KDM2B: variants seen among roughly 807,000 people sequenced by gnomAD.
KDM2B encodes lysine demethylase 2B.
KDM2B carries 26 observed loss-of-function variants against 150.0 expected under a neutral mutation model. The observed-to-expected ratio is 0.17, with a 90% CI of 0.13 to 0.24. KDM2B has a LOEUF of 0.24. KDM2B is among the 10% of genes least tolerant of loss of function. The pLI is 1.00. For missense variants in KDM2B, 1,265 were observed against 1,816.9 expected (o/e 0.70, Z 5.52); for synonymous variants, 734 against 729.5 (o/e 1.01, Z -0.10).
At position 121,467,064 on chromosome 12, in the gene KDM2B, G is replaced by A. The variant is rs1336579620; in HGVS notation, c.1735-13720C>T. The stretch of plus-strand genomic sequence containing the variant: ...AGCAAAACTTTCTCCTCATCGCGGC[G>A]GCGGCGGCGTCGCGGCCGCCCTCGG... On this transcript the variant is annotated intron_variant, in intron 12 of 22. Coordinates refer to ENST00000377071, the MANE Select transcript of KDM2B (RefSeq NM_032590.5). The surrounding 1 kb of genome is among the most constrained non-coding windows in gnomAD (Gnocchi z 5.1). 3 of 638,190 alleles carry A rather than the reference G, an allele frequency of 4.7e-6. No individual in the cohort carries two copies. Among genetic ancestry groups the A allele is most frequent in the East Asian group, 1.3e-4 (1 of 7,496 alleles). The allele number at this position is 638,190 out of a possible 1,614,324, so 39.5% of individuals were successfully genotyped here.
intron 4 of KDM2B, among the ~76,000 whole-genome samples, chr12:121,567,479 C>T (rs1452599177): frequency 2.0e-5 from 3 of 152,000 alleles, no homozygotes; most frequent in Admixed American, 6.6e-5. Context: ...GATGGCGAGG[C>T]GGGAGGATCA....
intron 10 of KDM2B, among the ~76,000 whole-genome samples, chr12:121,512,718 C>T (rs900832278): frequency 1.3e-5 from 2 of 151,932 alleles, no homozygotes; most frequent in Non-Finnish European, 2.9e-5. Context: ...GAGCCGTGTT[C>T]GGGGGGGATG....
At chr12:121,562,716 G>A (rs1278505724) in intron 4 of KDM2B, among the ~76,000 whole-genome samples, 1 of 151,576 alleles carries the variant, frequency 6.6e-6, no homozygotes, top group Non-Finnish European at 1.5e-5. Context: ...AGGAGGAGGG[G>A]AAAGAGATAA....
intron 1 of KDM2B, 81 bp from the exon 2 acceptor site, chr12:121,579,027 A>G: frequency 6.8e-7 from 1 of 1,469,960 alleles, no homozygotes; most frequent in Non-Finnish European, 9.2e-7. Context: ...CAGCACTAAC[A>G]GGTGCAGCAG....
chr12:121,554,938 C>T (rs1413370215), intron 4 of KDM2B, among the ~76,000 whole-genome samples: 1 of 152,146 alleles, frequency 6.6e-6, no homozygotes, highest in African/African-American at 2.4e-5. Flanking sequence ...GTAACCCCAA[C>T]ACTTTGGGAA....
At chr12:121,478,902 G>C (rs1426195053) in intron 12 of KDM2B, among the ~76,000 whole-genome samples, 1 of 151,438 alleles carries the variant, frequency 6.6e-6, no homozygotes, top group African/African-American at 2.4e-5. Context: ...GTGTTTTGTA[G>C]AGACAGAGTT....
chr12:121,445,160 CAG>C (rs2138290569), intron 14 of KDM2B, 113 bp downstream of exon 14: 1 of 1,270,050 alleles, frequency 7.9e-7, no homozygotes, highest in South Asian at 1.4e-5. Flanking sequence ...CACCCAGACT[CAG>C]GGGTCCTCCA....
intron 12 of KDM2B, among the ~76,000 whole-genome samples, chr12:121,465,424 G>C (rs1432165729): frequency 2.0e-5 from 3 of 152,164 alleles, no homozygotes; most frequent in African/African-American, 7.2e-5. Context: ...AGTAGAGACA[G>C]GGTTTCACCA....
chr12:121,430,104 G>T lies in KDM2B; in HGVS notation c.*184C>A. The stretch of plus-strand genomic sequence containing the variant: ...CAGTTACGATTCAGAAAGACCAAAG[G>T]AAAGTGTCGGCTCACTCATCCCCCA... On this transcript the variant is annotated 3_prime_UTR_variant, in exon 23 of 23. Coordinates refer to ENST00000377071, the MANE Select transcript of KDM2B (RefSeq NM_032590.5). The surrounding 1 kb of genome is among the most constrained non-coding windows in gnomAD (Gnocchi z 4.4). 5.0e-6 allele frequency: 8 copies of T among 1,605,602 alleles called. No homozygotes were observed. The highest frequency in any genetic ancestry group is 6.8e-6 in the Non-Finnish European group (8 of 1,172,168).
intron 12 of KDM2B, among the ~76,000 whole-genome samples, chr12:121,459,858 T>C (rs1351882120): frequency 2.0e-5 from 3 of 151,848 alleles, no homozygotes; most frequent in African/African-American, 7.3e-5. Context: ...CTTTGGTGCT[T>C]TAAAGGGCAC....
At chr12:121,580,035 GTCTTTC>G in intron 1 of KDM2B, 1 of 1,470,328 alleles carries the variant, frequency 6.8e-7, no homozygotes, top group Non-Finnish European at 9.2e-7. Context: ...TTCTTCCAGA[GTCTTTC>G]TCTGCCTCCA....
intron 9 of KDM2B, among the ~76,000 whole-genome samples, chr12:121,517,025 A>T (rs1000329383): frequency 2.6e-5 from 4 of 152,118 alleles, no homozygotes; most frequent in African/African-American, 9.7e-5. Context: ...TGCTTTCACT[A>T]GAGCCACTGG....
downstream of KDM2B, among the ~76,000 whole-genome samples, chr12:121,425,378 C>T (rs993599209): frequency 6.6e-6 from 1 of 151,460 alleles, no homozygotes; most frequent in South Asian, 2.1e-4. Flanking sequence ...TTAGGTCCAA[C>T]TTGACTTGAC....
At position 121,527,207 on chromosome 12, in the gene KDM2B, G is replaced by T. The variant is rs1232370962; in HGVS notation, c.931+5599C>A. On this transcript the variant is annotated intron_variant, in intron 8 of 22. Transcript: ENST00000377071. ...GTACTACATAGGCACCCGCCGCCAC[G>T]CCCAGATAATTTTTTTTTTTTTGTA... is the stretch of plus-strand genomic sequence containing the variant. Among the ~76,000 whole-genome samples the T allele has an allele frequency of 3.4e-5, 5 of 146,778 alleles. No individual in the cohort carries two copies. The East Asian group carries it at 6.4e-4, about 19-fold the overall frequency.
At chr12:121,514,620 C>T (rs1009471575) in intron 9 of KDM2B, among the ~76,000 whole-genome samples, 9 of 151,630 alleles carry the variant, frequency 5.9e-5, no homozygotes, top group African/African-American at 2.2e-4. Context: ...TCTGCGGGGA[C>T]GAGAAAGCCC....
intron 4 of KDM2B, among the ~76,000 whole-genome samples, chr12:121,559,366 G>A (rs1890159671): frequency 6.6e-6 from 1 of 152,238 alleles, no homozygotes; most frequent in East Asian, 1.9e-4. Flanking sequence ...GGAAGTGGTG[G>A]GAGGAGGAAG....
chr12:121,535,015 C>A (rs527751995), intron 6 of KDM2B, among the ~76,000 whole-genome samples: 13 of 152,182 alleles, frequency 8.5e-5, no homozygotes, highest in Admixed American at 6.5e-4. Flanking sequence ...GCAGCTGGGC[C>A]CCCTGGAATT....
At position 121,547,569 on chromosome 12, in the gene KDM2B, G is replaced by GGCC. The variant is rs541264554; in HGVS notation, c.683+1305_683+1307dup. 1.6e-3 allele frequency among the ~76,000 whole-genome samples: 241 copies of GGCC among 152,168 alleles called. 2 individuals carry two copies. Among genetic ancestry groups the GGCC allele is most frequent in the South Asian group, 4.4e-3 (21 of 4,820 alleles). On this transcript the variant is annotated intron_variant, in intron 6 of 22. Transcript: ENST00000377071. Reference sequence around the variant, plus strand: ...GAGCAGACAGATGCTAATGGATTCAGGCCGCCAGCGCCAACTCTTCTAGGA... The same window carrying GGCC: ...GAGCAGACAGATGCTAATGGATTCAGGCCGCCGCCAGCGCCAACTCTTCTAGGA...
rs552848907 is a variant in KDM2B, at chr12:121,520,111, G to A, written c.1047+874C>T. ...TCATCATGTTGGCCTGGCTGGTCTC[G>A]AACTCCTGACCTCAAGTGATCCACC... On this transcript the variant is annotated intron_variant, in intron 9 of 22. Transcript: ENST00000377071. This position sits in a 1 kb window ranked among gnomAD's most constrained non-coding sequence, Gnocchi z 4.5. Among the ~76,000 whole-genome samples the A allele has an allele frequency of 2.3e-4, 35 of 151,972 alleles. No homozygotes were observed. The highest frequency in any genetic ancestry group is 4.7e-4 in the Non-Finnish European group (32 of 67,984).
Sources: gnomAD v4.1 joint callset for allele counts (sites outside exome capture counted in the v4.1 genomes callset) on GRCh38, gnomAD v4.1.1 for gene constraint, Gnocchi (gnomAD v3.1) non-coding constraint, MANE v1.5 for transcripts, NCBI Gene and HGNC (gene_info 2026-07-23, HGNC 2026-07-21) for gene names.